The following CCSER1 variants were observed in gnomAD, a reference collection of about 807,000 sequenced individuals.
CCSER1 encodes serine-rich coiled-coil domain-containing protein 1.
In CCSER1, 41 loss-of-function variants were observed where a neutral mutation model predicts 82.0. That is an observed-to-expected ratio of 0.50 (90% confidence interval 0.39 to 0.65). The LOEUF is 0.65. CCSER1 is among the 30% of genes least tolerant of loss of function. CCSER1 has a pLI of 0.00. For missense variants in CCSER1, 1,119 were observed against 1,064.2 expected, an observed-to-expected ratio of 1.05 and a Z score of -0.72; for synonymous variants, 414 against 383.9, an observed-to-expected ratio of 1.08 and a Z score of -0.92.
intron 9 of CCSER1, among the ~76,000 whole-genome samples, chr4:90,936,728 A>G (rs1730981084): frequency 6.6e-6 from 1 of 152,190 alleles, no homozygotes; most frequent in African/African-American, 2.4e-5. Context: ...GTATAATATA[A>G]CATATAAAAT....
At chr4:90,131,735 A>C (rs1005280467) in intron 1 of CCSER1, among the ~76,000 whole-genome samples, 2 of 152,172 alleles carry the variant, frequency 1.3e-5, no homozygotes, top group African/African-American at 4.8e-5. Context: ...TATGATACGG[A>C]GCCTATAGTG....
intron 7 of CCSER1, among the ~76,000 whole-genome samples, chr4:90,787,640 A>AT (rs1561135860): frequency 1.3e-5 from 2 of 152,172 alleles, no homozygotes; most frequent in South Asian, 2.1e-4. Flanking sequence ...ATTTATTCAA[A>AT]TTTTTTCCCA....
chr4:91,296,449 T>TTATATATATATATATATATA (rs72475346), intron 10 of CCSER1, among the ~76,000 whole-genome samples: 31 of 94,064 alleles, frequency 3.3e-4, no homozygotes, highest in African/African-American at 1.5e-3. Context: ...GTGTCTAACA[T>TTATATATATATATATATATA]TATATATATA....
At chr4:90,582,370 A>G (rs1781500499) in intron 5 of CCSER1, among the ~76,000 whole-genome samples, 1 of 152,270 alleles carries the variant, frequency 6.6e-6, no homozygotes, top group South Asian at 2.1e-4. Context: ...ATAGTCAAGA[A>G]CAAAGGCATA....
intron 10 of CCSER1, among the ~76,000 whole-genome samples, chr4:91,333,616 C>T (rs1206837235): frequency 2.0e-5 from 3 of 151,992 alleles, no homozygotes; most frequent in Non-Finnish European, 2.9e-5. Flanking sequence ...AAGTAGAACA[C>T]CTCTTCTGGC....
chr4:90,637,198 T>C (rs1293299550), intron 6 of CCSER1, among the ~76,000 whole-genome samples: 1 of 152,154 alleles, frequency 6.6e-6, no homozygotes, highest in Non-Finnish European at 1.5e-5. Flanking sequence ...AACTTGAAGA[T>C]CTACTGCCTA....
At chr4:90,247,719 C>T (rs543767488) in intron 1 of CCSER1, among the ~76,000 whole-genome samples, 7 of 151,890 alleles carry the variant, frequency 4.6e-5, no homozygotes, top group South Asian at 2.1e-4. Flanking sequence ...TAATAAATTA[C>T]GTATTTATAG....
At chr4:91,030,757 A>G (rs533430937) in intron 9 of CCSER1, among the ~76,000 whole-genome samples, 2 of 152,192 alleles carry the variant, frequency 1.3e-5, no homozygotes, top group East Asian at 3.9e-4. Context: ...AAAGAACCAA[A>G]TGGAGCAAAT....
intron 10 of CCSER1, among the ~76,000 whole-genome samples, chr4:91,092,485 TGCCA>T (rs1192488999): frequency 6.6e-6 from 1 of 152,238 alleles, no homozygotes; most frequent in Non-Finnish European, 1.5e-5. Context: ...TAGGCTTGTA[TGCCA>T]GGAGGAACAG....
intron 10 of CCSER1, among the ~76,000 whole-genome samples, chr4:91,382,870 G>A (rs988691855): frequency 1.2e-4 from 18 of 152,108 alleles, no homozygotes; most frequent in Admixed American, 7.9e-4. Flanking sequence ...CTTATTTTAA[G>A]AATGGCCCAC....
At chr4:91,083,422 G>A (rs992534934) in intron 9 of CCSER1, among the ~76,000 whole-genome samples, 4 of 152,020 alleles carry the variant, frequency 2.6e-5, no homozygotes, top group Admixed American at 2.6e-4. Context: ...GGGGTTGGCG[G>A]GGGGAAGGAT....
intron 1 of CCSER1, among the ~76,000 whole-genome samples, chr4:90,231,973 G>A (rs1744662970): frequency 6.6e-6 from 1 of 151,418 alleles, no homozygotes; most frequent in African/African-American, 2.4e-5. Flanking sequence ...AAATAAAAGA[G>A]GATACAAACA....
At chr4:90,413,948 C>CAAAAAAAAAAAAAAAAAAAA (rs570689214) in intron 4 of CCSER1, among the ~76,000 whole-genome samples, 1 of 22,354 alleles carries the variant, frequency 4.5e-5, no homozygotes, top group African/African-American at 1.2e-4. Context: ...GACACCGTCT[C>CAAAAAAAAAAAAAAAAAAAA]AAAAAAAAAA....
chr4:91,338,076 G>A (rs1376607147), intron 10 of CCSER1, among the ~76,000 whole-genome samples: 1 of 151,998 alleles, frequency 6.6e-6, no homozygotes, highest in African/African-American at 2.4e-5. Flanking sequence ...TATCCCTCTT[G>A]TATGTGAACA....
chr4:90,363,608 GA>G (rs33948729), intron 3 of CCSER1, among the ~76,000 whole-genome samples: 73,220 of 149,982 alleles, frequency 0.49, 18,064 homozygotes, highest in South Asian at 0.6. Flanking sequence ...AGGGCAGAAA[GA>G]AAAAAAAAAT....
At chr4:90,545,962 A>G (rs1032143388) in intron 5 of CCSER1, among the ~76,000 whole-genome samples, 1 of 152,112 alleles carries the variant, frequency 6.6e-6, no homozygotes, top group African/African-American at 2.4e-5. Context: ...AGGAACAACA[A>G]TAGGTAAAAT....
At chr4:90,213,852 C>T (rs1427941240) in intron 1 of CCSER1, among the ~76,000 whole-genome samples, 2 of 152,062 alleles carry the variant, frequency 1.3e-5, no homozygotes, top group Admixed American at 1.3e-4. Flanking sequence ...GTGACAAAAA[C>T]TTGACTGGAA....
At chr4:90,502,404 A>T (rs977428037) in intron 5 of CCSER1, among the ~76,000 whole-genome samples, 2 of 152,194 alleles carry the variant, frequency 1.3e-5, no homozygotes, top group African/African-American at 4.8e-5. Context: ...CCCATGATCC[A>T]ATCACCTCCC....
intron 10 of CCSER1, among the ~76,000 whole-genome samples, chr4:91,179,029 G>T (rs753411419): frequency 4.6e-5 from 7 of 152,168 alleles, no homozygotes; most frequent in African/African-American, 1.7e-4. Flanking sequence ...TTGCTTGTCT[G>T]TAAAGAATTT....
Sources: allele counts gnomAD v4.1 joint callset (sites outside exome capture counted in the v4.1 genomes callset), GRCh38; gene constraint gnomAD v4.1.1; transcripts MANE v1.5; gene names NCBI Gene and HGNC (gene_info 2026-07-23, HGNC 2026-07-21).